The following CNBD1 variants were observed in gnomAD, a reference collection of about 807,000 sequenced individuals.
The protein encoded by CNBD1 is cyclic nucleotide binding domain containing 1.
A neutral mutation model predicts 54.4 loss-of-function variants in CNBD1; 71 were observed. That is an observed-to-expected ratio of 1.30 (90% CI 1.08 to 1.59). The LOEUF is 1.59. CNBD1 is among the 40% of genes most tolerant of loss of function. The pLI is 0.00. For synonymous variants in CNBD1, 182 were observed against 170.7 expected (o/e 1.07, Z -0.51); for missense variants, 659 against 518.0 (o/e 1.27, Z -2.64).
chr8:87,124,704 G>C (rs1435617718), intron 4 of CNBD1, among the ~76,000 whole-genome samples: 1 of 151,658 alleles, frequency 6.6e-6, no homozygotes, highest in Non-Finnish European at 1.5e-5. Context: ...CATTCTCAAT[G>C]GTGAGAAGTT....
At chr8:87,247,365 TG>T (rs1807826903) in intron 6 of CNBD1, among the ~76,000 whole-genome samples, 1 of 152,184 alleles carries the variant, frequency 6.6e-6, no homozygotes, top group Non-Finnish European at 1.5e-5. Context: ...GCACCAGCTC[TG>T]AGTAAGACGG....
intron 4 of CNBD1, among the ~76,000 whole-genome samples, chr8:87,151,248 G>C (rs554335006): frequency 2.0e-5 from 3 of 152,086 alleles, no homozygotes; most frequent in Admixed American, 6.6e-5. Flanking sequence ...GATGGGGTGC[G>C]TACATATTCA....
chr8:87,297,401 A>G (rs1018956292), intron 8 of CNBD1, among the ~76,000 whole-genome samples: 5 of 151,996 alleles, frequency 3.3e-5, no homozygotes, highest in Non-Finnish European at 5.9e-5. Context: ...GCTAGCGGCT[A>G]CCCTATGGGA....
chr8:87,118,621 G>A (rs1254234270), intron 4 of CNBD1, among the ~76,000 whole-genome samples: 3 of 152,152 alleles, frequency 2.0e-5, no homozygotes, highest in Non-Finnish European at 4.4e-5. Context: ...GGATCATAGA[G>A]ATAAGGTATA....
chr8:87,303,461 C>T lies in CNBD1; in HGVS notation c.1042+16790C>T, dbSNP rs566378232. Among the ~76,000 whole-genome samples, 595 of 151,942 alleles carry T rather than the reference C, an allele frequency of 3.9e-3. 8 individuals carry two copies. The highest frequency in any genetic ancestry group is 0.014 in the African/African-American group (561 of 41,462). ...GTAGAAAGCTGAAACTGAATCCCTT[C>T]CTTACACCTTATACAAAAATTAATT... is the stretch of plus-strand genomic sequence containing the variant. On this transcript the variant is annotated intron_variant, in intron 8 of 10. Coordinates refer to ENST00000518476, the MANE Select transcript of CNBD1 (RefSeq NM_173538.3).
intron 2 of CNBD1, among the ~76,000 whole-genome samples, chr8:87,392,022 AAAG>A (rs1811319338): frequency 6.6e-6 from 1 of 152,028 alleles, no homozygotes; most frequent in Non-Finnish European, 1.5e-5. Flanking sequence ...GCCTTTCTCT[AAAG>A]AAGAATGGCT....
rs970781939 is a variant in CNBD1 at position 86,926,535 on chromosome 8, A to G, written c.273-13061A>G. ...ATGGGACCTAGAAAGGGGAGACGCCATGTCACCCAACTCCAGAGGTTGGTG... is the reference window on the plus strand; with the variant it reads ...ATGGGACCTAGAAAGGGGAGACGCCGTGTCACCCAACTCCAGAGGTTGGTG... On this transcript the variant is annotated intron_variant, in intron 3 of 10. Transcript: ENST00000518476. Among the ~76,000 whole-genome samples the G allele has an allele frequency of 5.3e-5, 8 of 152,194 alleles. 1 individual carries two copies. The highest frequency in any genetic ancestry group is 5.2e-4 in the Admixed American group (8 of 15,272).
intron 6 of CNBD1, among the ~76,000 whole-genome samples, chr8:87,249,998 T>A (rs963673912): frequency 1.3e-5 from 2 of 152,124 alleles, no homozygotes; most frequent in African/African-American, 4.8e-5. Flanking sequence ...CTAAAAAGTT[T>A]CTGCCCAGCA....
At chr8:87,422,116 G>A (rs1370588182) in intron 2 of CNBD1, among the ~76,000 whole-genome samples, 2 of 146,416 alleles carry the variant, frequency 1.4e-5, no homozygotes, top group Non-Finnish European at 3.0e-5. Context: ...ACTTTTTGAT[G>A]GGGCTGTTTG....
At chr8:87,194,309 G>A (rs1183328883) in intron 4 of CNBD1, among the ~76,000 whole-genome samples, 1 of 152,134 alleles carries the variant, frequency 6.6e-6, no homozygotes, top group Non-Finnish European at 1.5e-5. Flanking sequence ...TAGTTAAGGG[G>A]AACAATGTTT....
chr8:87,061,398 A>G (rs995608967), intron 4 of CNBD1, among the ~76,000 whole-genome samples: 3 of 152,230 alleles, frequency 2.0e-5, no homozygotes, highest in Non-Finnish European at 2.9e-5. Flanking sequence ...TATTTTTACA[A>G]TGCTCTACGA....
At chr8:86,907,450 C>G (rs543152070) in intron 3 of CNBD1, among the ~76,000 whole-genome samples, 10 of 151,792 alleles carry the variant, frequency 6.6e-5, no homozygotes, top group Non-Finnish European at 1.5e-4. Context: ...GGCAGATCAC[C>G]TGAAGTTGGG....
chr8:86,893,499 T>C (rs761213835), intron 2 of CNBD1, among the ~76,000 whole-genome samples: 2 of 152,180 alleles, frequency 1.3e-5, no homozygotes, highest in Admixed American at 6.5e-5. Context: ...TTAAACTTAC[T>C]CAAATTAGAG....
intron 8 of CNBD1, among the ~76,000 whole-genome samples, chr8:87,302,991 A>G (rs1041544073): frequency 2.6e-5 from 4 of 151,928 alleles, no homozygotes; most frequent in Non-Finnish European, 4.4e-5. Context: ...AAAAGAGGAT[A>G]CAAACAAATG....
intron 8 of CNBD1, among the ~76,000 whole-genome samples, chr8:87,320,619 T>TGGG (rs67660459): frequency 4.9e-5 from 7 of 142,704 alleles, no homozygotes; most frequent in Non-Finnish European, 7.6e-5. Flanking sequence ...CGTGTGTGTG[T>TGGG]GGGGGGGCGG....
intron 4 of CNBD1, among the ~76,000 whole-genome samples, chr8:87,058,771 T>C (rs1402284863): frequency 1.3e-5 from 2 of 152,192 alleles, no homozygotes; most frequent in Non-Finnish European, 2.9e-5. Context: ...GGGTCTGTGA[T>C]GGGAAGGACT....
At chr8:86,942,312 A>G (rs894378258) in intron 4 of CNBD1, among the ~76,000 whole-genome samples, 1 of 152,164 alleles carries the variant, frequency 6.6e-6, no homozygotes, top group Non-Finnish European at 1.5e-5. Context: ...ATTAACATAA[A>G]CTTAGTGGCT....
At chr8:87,336,026 C>T (rs1002789426) in intron 8 of CNBD1, among the ~76,000 whole-genome samples, 1 of 152,160 alleles carries the variant, frequency 6.6e-6, no homozygotes, top group Admixed American at 6.5e-5. Flanking sequence ...ATATTGGCCC[C>T]ACTCTCTTCT....
intron 4 of CNBD1, among the ~76,000 whole-genome samples, chr8:86,941,575 G>C (rs949429421): frequency 1.3e-5 from 2 of 152,146 alleles, no homozygotes; most frequent in African/African-American, 4.8e-5. Flanking sequence ...TTTCTGATCT[G>C]AGATGTGGGA....
Sources: gnomAD v4.1 joint callset for allele counts (sites outside exome capture counted in the v4.1 genomes callset) on GRCh38, gnomAD v4.1.1 for gene constraint, MANE v1.5 for transcripts, NCBI Gene and HGNC (gene_info 2026-07-23, HGNC 2026-07-21) for gene names.